FAAH2: variants seen among roughly 807,000 people sequenced by gnomAD.
FAAH2 encodes the protein fatty-acid amide hydrolase 2.
A neutral mutation model predicts 36.9 loss-of-function variants in FAAH2; 60 were observed. The ratio of observed to expected loss-of-function variants is 1.63; its 90% CI spans 1.32 to 2.02. The LOEUF is 2.02. Among genes scored for constraint, FAAH2 ranks in the 30% most tolerant of loss-of-function variants. The pLI, the probability that FAAH2 is intolerant of heterozygous loss-of-function variation, is 0.00. For synonymous variants in FAAH2, 214 were observed against 143.8 expected (o/e 1.49, Z -3.49); for missense variants, 689 against 397.5 (o/e 1.73, Z -6.23).
intron 8 of FAAH2, among the ~76,000 whole-genome samples, chrX:57,434,855 T>C (rs1324043996): frequency 9.0e-6 from 1 of 110,985 alleles, no homozygotes; most frequent in Non-Finnish European, 1.9e-5. Flanking sequence ...ATAAAAGAAA[T>C]ACTTCTATGA....
Position 57,341,382 on chromosome X carries a change from C to T in FAAH2, c.734C>T (p.Pro245Leu), listed in dbSNP as rs1162215234. The T allele has an allele frequency of 1.7e-6, 2 of 1,206,201 alleles. No individual in the cohort carries two copies. Among genetic ancestry groups the T allele is most frequent in the East Asian group, 3.0e-5 (1 of 33,594 alleles). ...AFFNGIFGHK[P>L]SPGVVPNKGQ... ...TTCAATGGTATATTTGGACACAAGCCTTCTCCAGGTAATGTTAATATGATC... is the reference window on the plus strand; with the variant it reads ...TTCAATGGTATATTTGGACACAAGCTTTCTCCAGGTAATGTTAATATGATC... Residue 245 changes from proline to leucine, a missense_variant, in exon 5 of 11, where the codon CCT (proline) becomes CTT (leucine). Coordinates refer to ENST00000374900, the MANE Select transcript of FAAH2 (RefSeq NM_174912.4).
chrX:57,478,309 G>A (rs773321567), intron 10 of FAAH2, among the ~76,000 whole-genome samples: 249 of 111,176 alleles, frequency 2.2e-3, no homozygotes, highest in African/African-American at 7.2e-3. Context: ...GTCTGTTCAT[G>A]TCCTTTGCCC....
chrX:57,239,971 C>T, the FAAH2 span, among the ~76,000 whole-genome samples: 1 of 111,846 alleles, frequency 8.9e-6, no homozygotes, highest in South Asian at 3.6e-4. Context: ...TTTGTTTTGA[C>T]TTTCTCCTGA....
chrX:57,390,654 T>A (rs936160043), intron 7 of FAAH2, among the ~76,000 whole-genome samples: 1 of 111,603 alleles, frequency 9.0e-6, no homozygotes, highest in Non-Finnish European at 1.9e-5. Context: ...GCAAAGGGCA[T>A]GCTTTCATTT....
intron 7 of FAAH2, among the ~76,000 whole-genome samples, chrX:57,403,188 C>G (rs759507076): frequency 8.9e-6 from 1 of 111,927 alleles, no homozygotes; most frequent in East Asian, 2.8e-4. Flanking sequence ...GGGAAGTTTC[C>G]CATCTGAAAA....
rs762420140 is a variant in FAAH2 at position 57,380,937 on chromosome X, T to G, written c.904T>G (p.Leu302Val). Residue 302 changes from leucine to valine, a missense_variant, in exon 7 of 11, where the codon TTA becomes GTA. Physicochemically the swap from Leu to Val is conservative, Grantham distance 32 (BLOSUM62 1). Transcript: ENST00000374900. ...KRLKLDTKVHLKDLKFYWMEH... is the reference protein window; with the variant it reads ...KRLKLDTKVHVKDLKFYWMEH... Reference sequence around the variant, plus strand: ...GTTAAAACTAGACACAAAGGTACATTTAAAAGACTTAAAATTTTACTGGAT... The same window carrying G: ...GTTAAAACTAGACACAAAGGTACATGTAAAAGACTTAAAATTTTACTGGAT... 376 of 1,191,860 alleles carry G rather than the reference T, an allele frequency of 3.2e-4. 2 individuals are homozygous for G. The South Asian group carries it at 6.5e-3, about 21-fold the overall frequency.
intron 7 of FAAH2, chrX:57,393,460 T>A (rs756037357): frequency 3.3e-5 from 30 of 921,428 alleles, no homozygotes; most frequent in Non-Finnish European, 4.7e-5. Context: ...CTACAAACCC[T>A]TCTGGGCCAA....
At position 57,343,691 on chromosome X, in the gene FAAH2, T is replaced by A. The variant is rs145391908; in HGVS notation, c.742+2301T>A. The stretch of plus-strand genomic sequence containing the variant: ...GACTTAGCCATAAATTATTTGCTAG[T>A]CCAGTGTTGAGAAGGGTATCTCCTA... On this transcript the variant is annotated intron_variant, in intron 5 of 10. Coordinates refer to ENST00000374900, the MANE Select transcript of FAAH2 (RefSeq NM_174912.4). 4.7e-3 allele frequency among the ~76,000 whole-genome samples: 523 copies of A among 111,811 alleles called. 3 individuals are homozygous for A. The highest frequency in any genetic ancestry group is 0.016 in the African/African-American group (495 of 30,854).
the FAAH2 span, among the ~76,000 whole-genome samples, chrX:57,235,884 A>G: frequency 5.4e-5 from 4 of 74,311 alleles, no homozygotes; most frequent in Non-Finnish European, 8.5e-5. Context: ...GCCTGAAAAT[A>G]TACAAACATA....
At chrX:57,302,075 A>T (rs981647561) in intron 2 of FAAH2, among the ~76,000 whole-genome samples, 3 of 111,692 alleles carry the variant, frequency 2.7e-5, no homozygotes, top group African/African-American at 9.8e-5. Flanking sequence ...ATTGTCATGC[A>T]TTTCATCCAA....
the FAAH2 span, among the ~76,000 whole-genome samples, chrX:57,234,209 T>C: frequency 2.2e-4 from 25 of 111,937 alleles, no homozygotes; most frequent in African/African-American, 7.1e-4. Context: ...TTTTCTGTTT[T>C]TCTGACTACT....
intron 3 of FAAH2, among the ~76,000 whole-genome samples, chrX:57,322,706 T>A (rs1446674986): frequency 8.9e-6 from 1 of 111,862 alleles, no homozygotes; most frequent in African/African-American, 3.2e-5. Flanking sequence ...AAAAATTCTT[T>A]TTTCTTTACT....
At chrX:57,189,286 G>A in the FAAH2 span, among the ~76,000 whole-genome samples, 1 of 109,879 alleles carries the variant, frequency 9.1e-6, no homozygotes, top group Non-Finnish European at 1.9e-5. Context: ...AGCATTTCCT[G>A]TAACCTTTTG....
At chrX:57,482,880 C>G (rs1047913600) in intron 10 of FAAH2, among the ~76,000 whole-genome samples, 1 of 110,036 alleles carries the variant, frequency 9.1e-6, no homozygotes, top group African/African-American at 3.3e-5. Context: ...GAAGTCCACT[C>G]TTAGCCTGAT....
chrX:57,264,420 C>T, the FAAH2 span, among the ~76,000 whole-genome samples: 3 of 112,042 alleles, frequency 2.7e-5, no homozygotes, highest in Admixed American at 9.4e-5. Flanking sequence ...GGCCAACAAG[C>T]ATATTAAAAA....
chrX:57,202,004 T>C, the FAAH2 span, among the ~76,000 whole-genome samples: 1 of 112,156 alleles, frequency 8.9e-6, no homozygotes, highest in Non-Finnish European at 1.9e-5. Context: ...TTAAATCTCT[T>C]TGTTAAGTTT....
intron 2 of FAAH2, among the ~76,000 whole-genome samples, chrX:57,302,908 C>G (rs1373882183): frequency 9.0e-6 from 1 of 110,938 alleles, no homozygotes; most frequent in Non-Finnish European, 1.9e-5. Context: ...TTGGCTGAAA[C>G]TATGAGGATT....
chrX:57,247,199 A>T, the FAAH2 span, among the ~76,000 whole-genome samples: 1 of 111,712 alleles, frequency 9.0e-6, no homozygotes, highest in Admixed American at 9.6e-5. Context: ...GAGAAGATTT[A>T]CAGAGGCTCT....
chrX:57,327,652 T>G (rs2053257569), intron 3 of FAAH2, among the ~76,000 whole-genome samples: 2 of 112,005 alleles, frequency 1.8e-5, no homozygotes, highest in African/African-American at 6.5e-5. Flanking sequence ...GCTTGTGCAT[T>G]CATCATGTAG....
Sources: allele counts gnomAD v4.1 joint callset (sites outside exome capture counted in the v4.1 genomes callset), GRCh38; gene constraint gnomAD v4.1.1; transcripts MANE v1.5; gene names NCBI Gene and HGNC (gene_info 2026-07-23, HGNC 2026-07-21).